Variants in GPR158 observed in about 807,000 individuals in gnomAD.
GPR158 encodes metabotropic glycine receptor.
In GPR158, 30 loss-of-function variants were observed where a neutral mutation model predicts 78.2. That is an observed-to-expected ratio of 0.38 (90% CI 0.29 to 0.52). The LOEUF is 0.52. Among genes scored for constraint, GPR158 ranks in the 20% least tolerant of loss-of-function variants. The pLI, the probability that GPR158 is intolerant of heterozygous loss-of-function variation, is 0.83. For missense variants in GPR158, 1,463 were observed against 1,523.5 expected (o/e 0.96, Z 0.66); for synonymous variants, 581 against 591.1 (o/e 0.98, Z 0.25).
chr10:25,293,463 G>A (rs1588780121), intron 2 of GPR158, among the ~76,000 whole-genome samples: 1 of 152,152 alleles, frequency 6.6e-6, no homozygotes, highest in Non-Finnish European at 1.5e-5. Context: ...CTAACGCATG[G>A]CTATCAAATA....
rs138726188 is a variant in GPR158, at chr10:25,450,216, A to G, written c.1336-16435A>G. Among the ~76,000 whole-genome samples, 8 of 152,084 alleles carry G rather than the reference A, an allele frequency of 5.3e-5. No homozygotes were observed. The East Asian group carries it at 1.6e-3, about 30-fold the overall frequency. On this transcript the variant is annotated intron_variant, in intron 4 of 10. Coordinates refer to ENST00000376351, the MANE Select transcript of GPR158 (RefSeq NM_020752.3). ...GGAACAAGAGGATCTCTGCAGCCCT[A>G]TGGTGGGGAGCAGCTGCATGCATAA...
intron 2 of GPR158, among the ~76,000 whole-genome samples, chr10:25,291,753 C>G (rs997728317): frequency 6.6e-6 from 1 of 150,764 alleles, no homozygotes; most frequent in Non-Finnish European, 1.5e-5. Context: ...GAAATCAGTA[C>G]AAAGAGACTA....
intron 4 of GPR158, among the ~76,000 whole-genome samples, chr10:25,433,570 T>TGCGCGC (rs71472803): frequency 7.8e-6 from 1 of 128,668 alleles, no homozygotes; most frequent in East Asian, 2.1e-4. Flanking sequence ...TGTGTGTGTG[T>TGCGCGC]GCGCGCGCGC....
At chr10:25,408,675 T>C (rs934661700) in intron 3 of GPR158, among the ~76,000 whole-genome samples, 1 of 152,222 alleles carries the variant, frequency 6.6e-6, no homozygotes, top group Non-Finnish European at 1.5e-5. Context: ...TAGCTTCTCA[T>C]ACTTCTTAGT....
chr10:25,460,270 G>A (rs531179391), intron 4 of GPR158, among the ~76,000 whole-genome samples: 56 of 151,220 alleles, frequency 3.7e-4, no homozygotes, highest in African/African-American at 1.3e-3. Context: ...AGCTCGATCT[G>A]GGCTCACTGC....
intron 1 of GPR158, among the ~76,000 whole-genome samples, chr10:25,218,188 G>A (rs560276197): frequency 1.0e-3 from 155 of 152,028 alleles, no homozygotes; most frequent in Non-Finnish European, 1.9e-3. Flanking sequence ...CCAGGGTTTT[G>A]TAAGTCTCTG....
intron 5 of GPR158, among the ~76,000 whole-genome samples, chr10:25,537,938 G>A (rs558909901): frequency 1.3e-5 from 2 of 152,260 alleles, no homozygotes; most frequent in African/African-American, 4.8e-5. Context: ...GCGGAACTGT[G>A]AGCCAATTAA....
At chr10:25,578,773 C>T (rs1009466817) in intron 7 of GPR158, among the ~76,000 whole-genome samples, 6 of 151,938 alleles carry the variant, frequency 3.9e-5, no homozygotes, top group South Asian at 2.1e-4. Context: ...TTTGGGAGGC[C>T]GAGGCTGGCA....
At chr10:25,385,958 A>C (rs1325650363) in intron 2 of GPR158, among the ~76,000 whole-genome samples, 1 of 152,080 alleles carries the variant, frequency 6.6e-6, no homozygotes, top group East Asian at 1.9e-4. Flanking sequence ...ATAAGTTTTT[A>C]AATTTGATGT....
chr10:25,593,689 G>A (rs1231159081), intron 8 of GPR158, among the ~76,000 whole-genome samples: 2 of 151,888 alleles, frequency 1.3e-5, no homozygotes, highest in Non-Finnish European at 2.9e-5. Flanking sequence ...TTCTCCATCA[G>A]ATAAGATTTT....
intron 2 of GPR158, among the ~76,000 whole-genome samples, chr10:25,232,022 G>T (rs1486854862): frequency 6.6e-6 from 1 of 152,120 alleles, no homozygotes; most frequent in Non-Finnish European, 1.5e-5. Flanking sequence ...TGAACTCAAA[G>T]TACCAGACTT....
At chr10:25,419,396 G>C (rs113852476) in intron 4 of GPR158, among the ~76,000 whole-genome samples, 1 of 152,066 alleles carries the variant, frequency 6.6e-6, no homozygotes. Flanking sequence ...CCGTTCATCT[G>C]TTGATGGCCA....
intron 1 of GPR158, among the ~76,000 whole-genome samples, chr10:25,189,132 T>C (rs551311016): frequency 6.6e-5 from 10 of 152,100 alleles, no homozygotes; most frequent in Admixed American, 1.3e-4. Flanking sequence ...AGTCAGGAAA[T>C]AACAGGTGCT....
intron 2 of GPR158, among the ~76,000 whole-genome samples, chr10:25,300,001 A>C (rs530387576): frequency 6.8e-4 from 104 of 151,978 alleles, no homozygotes; most frequent in Non-Finnish European, 1.2e-3. Context: ...TAGGTGATCC[A>C]CCCACCTCGG....
At chr10:25,458,367 G>C (rs1835317727) in intron 4 of GPR158, among the ~76,000 whole-genome samples, 1 of 152,152 alleles carries the variant, frequency 6.6e-6, no homozygotes, top group Admixed American at 6.5e-5. Flanking sequence ...AGTGTTACAT[G>C]TTTTTGTTAT....
chr10:25,221,269 G>T, intron 2 of GPR158, 112 bp downstream of exon 2: 1 of 595,402 alleles, frequency 1.7e-6, no homozygotes, highest in Non-Finnish European at 2.9e-6. Context: ...GAAAATCTAT[G>T]TAGGTCTCAG....
intron 2 of GPR158, among the ~76,000 whole-genome samples, chr10:25,390,154 A>G (rs1760728): frequency 0.65 from 98,096 of 152,044 alleles, 32,617 homozygotes; most frequent in Non-Finnish European, 0.73. Flanking sequence ...TCTTTCCTCT[A>G]TAAGTCTTGG....
intron 2 of GPR158, among the ~76,000 whole-genome samples, chr10:25,284,351 A>AT (rs1471584692): frequency 6.6e-6 from 1 of 151,802 alleles, no homozygotes; most frequent in Non-Finnish European, 1.5e-5. Flanking sequence ...GGGGAATGTC[A>AT]TTTTTACCAT....
chr10:25,521,282 T>A (rs890151343), intron 5 of GPR158, among the ~76,000 whole-genome samples: 3 of 152,210 alleles, frequency 2.0e-5, no homozygotes, highest in Non-Finnish European at 4.4e-5. Flanking sequence ...CCTAGTGAGA[T>A]GAACCCGGTA....
Sources: allele counts gnomAD v4.1 joint callset (sites outside exome capture counted in the v4.1 genomes callset), GRCh38; gene constraint gnomAD v4.1.1; transcripts MANE v1.5; gene names NCBI Gene and HGNC (gene_info 2026-07-23, HGNC 2026-07-21).